Variants in ALOX5AP observed in about 807,000 individuals in gnomAD.
ALOX5AP encodes the protein arachidonate 5-lipoxygenase activating protein, also known as arachidonate 5-lipoxygenase-activating protein.
ALOX5AP carries 9 observed loss-of-function variants against 18.5 expected under a neutral mutation model. That is an observed-to-expected ratio of 0.49 (90% CI 0.29 to 0.85). ALOX5AP has a LOEUF of 0.85. Ranked by LOEUF, ALOX5AP falls within the 40% of genes least tolerant of loss-of-function variation. The probability of loss-of-function intolerance (pLI) is 0.08; values close to 1 mark genes in which losing one functional copy is unlikely to be tolerated. For missense variants in ALOX5AP, 172 were observed against 202.5 expected, an observed-to-expected ratio of 0.85 and a Z score of 0.91; for synonymous variants, 81 against 78.6, an observed-to-expected ratio of 1.03 and a Z score of -0.16.
At chr13:30,725,298 A>G (rs1382104805) in intron 1 of ALOX5AP, among the ~76,000 whole-genome samples, 1 of 152,264 alleles carries the variant, frequency 6.6e-6, no homozygotes, top group East Asian at 1.9e-4. Context: ...ACATGAGAAT[A>G]TGTATCCCAT....
exon 1 of ALOX5AP, chr13:30,713,757 A>G: frequency 6.5e-7 from 1 of 1,535,652 alleles, no homozygotes; most frequent in Non-Finnish European, 8.7e-7. Context: ...GCTCCCTGGC[A>G]TACACAGAAG....
At chr13:30,755,275 A>G (rs1302888875) in intron 3 of ALOX5AP, among the ~76,000 whole-genome samples, 2 of 152,248 alleles carry the variant, frequency 1.3e-5, no homozygotes, top group Non-Finnish European at 2.9e-5. Flanking sequence ...TGTTAGTTCA[A>G]GAAAGGTTAA....
At position 30,764,069 on chromosome 13, in the gene ALOX5AP, T is replaced by C; in HGVS notation, c.449T>C (p.Ile150Thr). ...GACTTTGAAAACTACATAAAGACGA[T>C]CTCCACCACCATCTCCCCTCTACTT... The part of the protein sequence containing the change: ...GSDFENYIKT[I>T]STTISPLLLI... Residue 150 changes from isoleucine to threonine, a missense_variant, in exon 5 of 5, where the codon ATC becomes ACC. Transcript: ENST00000380490. 1 of 1,614,170 alleles carries C rather than the reference T, an allele frequency of 6.2e-7. No homozygotes were observed. Among genetic ancestry groups the C allele is most frequent in the Non-Finnish European group, 8.5e-7 (1 of 1,180,028 alleles).
At chr13:30,763,198 C>T (rs1281927192) in intron 4 of ALOX5AP, among the ~76,000 whole-genome samples, 2 of 152,128 alleles carry the variant, frequency 1.3e-5, no homozygotes, top group African/African-American at 4.8e-5. Flanking sequence ...GTTGCAGCTA[C>T]TTGGGAGGCT....
intron 1 of ALOX5AP, among the ~76,000 whole-genome samples, chr13:30,741,428 C>T (rs1593436674): frequency 7.0e-6 from 1 of 142,910 alleles, no homozygotes; most frequent in African/African-American, 2.6e-5. Context: ...TGGAGTTTCA[C>T]TCTTGTCACC....
chr13:30,713,866 G>T, intron 1 of ALOX5AP: 1 of 1,437,416 alleles, frequency 7.0e-7, no homozygotes, highest in Non-Finnish European at 9.3e-7. Context: ...GCGCGCACAC[G>T]CGCATGTGTG....
intron 2 of ALOX5AP, among the ~76,000 whole-genome samples, chr13:30,749,440 A>T (rs990790793): frequency 1.3e-5 from 2 of 152,164 alleles, no homozygotes; most frequent in African/African-American, 4.8e-5. Context: ...ATAACCAAAA[A>T]AGGAATTTTT....
intron 1 of ALOX5AP, among the ~76,000 whole-genome samples, chr13:30,726,956 C>T (rs1469555628): frequency 1.3e-5 from 2 of 151,886 alleles, no homozygotes; most frequent in African/African-American, 4.8e-5. Flanking sequence ...GACTTAGTTA[C>T]AAGCAGAATG....
exon 1 of ALOX5AP, chr13:30,713,794 A>G: frequency 6.5e-7 from 1 of 1,535,702 alleles, no homozygotes; most frequent in Non-Finnish European, 8.7e-7. Context: ...AATTTGGGAA[A>G]TCCTTTGGCA....
At chr13:30,737,062 T>C (rs989658984) in intron 1 of ALOX5AP, among the ~76,000 whole-genome samples, 1 of 152,166 alleles carries the variant, frequency 6.6e-6, no homozygotes, top group Non-Finnish European at 1.5e-5. Flanking sequence ...GCTGTATGGG[T>C]GGGCAGGTGG....
intron 1 of ALOX5AP, among the ~76,000 whole-genome samples, chr13:30,727,141 C>T (rs1003356668): frequency 1.3e-5 from 2 of 151,918 alleles, no homozygotes; most frequent in Non-Finnish European, 2.9e-5. Context: ...ACAACCTCTG[C>T]CTCCCGGGTT....
chr13:30,723,631 T>C (rs1951611820), intron 1 of ALOX5AP, among the ~76,000 whole-genome samples: 1 of 152,256 alleles, frequency 6.6e-6, no homozygotes, highest in African/African-American at 2.4e-5. Flanking sequence ...CTCTAATCCA[T>C]ACATTCCATA....
At position 30,764,085 on chromosome 13, in the gene ALOX5AP, C is replaced by G; in HGVS notation, c.465C>G (p.Ser155=). 1 of 1,614,120 alleles carries G rather than the reference C, an allele frequency of 6.2e-7. No homozygotes were observed. ...TAAAGACGATCTCCACCACCATCTCCCCTCTACTTCTCATTCCCTAACTCT... is the reference window on the plus strand; with the variant it reads ...TAAAGACGATCTCCACCACCATCTCGCCTCTACTTCTCATTCCCTAACTCT... ...NYIKTISTTI[S]PLLLIP The change falls in exon 5 of 5, where the codon TCC becomes TCG. Residue 155 remains serine (S), a synonymous_variant. Coordinates refer to ENST00000380490, the MANE Select transcript of ALOX5AP (RefSeq NM_001629.4).
intron 1 of ALOX5AP, among the ~76,000 whole-genome samples, chr13:30,716,294 A>C (rs1259357488): frequency 6.6e-6 from 1 of 152,220 alleles, no homozygotes; most frequent in Non-Finnish European, 1.5e-5. Flanking sequence ...TCATACCATT[A>C]GATGGTGTGT....
intron 4 of ALOX5AP, among the ~76,000 whole-genome samples, chr13:30,762,817 A>G (rs2137835464): frequency 6.6e-6 from 1 of 152,148 alleles, no homozygotes; most frequent in East Asian, 1.9e-4. Context: ...GATCTTTACT[A>G]ACAATCCTCC....
At chr13:30,727,659 C>A (rs1179715502) in intron 1 of ALOX5AP, among the ~76,000 whole-genome samples, 1 of 152,138 alleles carries the variant, frequency 6.6e-6, no homozygotes, top group Non-Finnish European at 1.5e-5. Flanking sequence ...TGGGTGAGTT[C>A]ACAGCTGTTC....
At chr13:30,716,242 C>T (rs1346433089) in intron 1 of ALOX5AP, among the ~76,000 whole-genome samples, 1 of 152,230 alleles carries the variant, frequency 6.6e-6, no homozygotes, top group Admixed American at 6.5e-5. Flanking sequence ...TTGATTGACT[C>T]TACCTGCCAA....
intron 4 of ALOX5AP, among the ~76,000 whole-genome samples, chr13:30,759,143 A>T (rs17074992): frequency 6.6e-6 from 1 of 152,002 alleles, no homozygotes; most frequent in African/African-American, 2.4e-5. Context: ...TTTCTTCCCC[A>T]TTCATTTAAG....
At chr13:30,737,396 A>T (rs752141118) in intron 1 of ALOX5AP, among the ~76,000 whole-genome samples, 1 of 152,232 alleles carries the variant, frequency 6.6e-6, no homozygotes, top group Non-Finnish European at 1.5e-5. Flanking sequence ...AACCCTGTTC[A>T]GATTGAGGTG....
Sources: gnomAD v4.1 joint callset for allele counts (sites outside exome capture counted in the v4.1 genomes callset) on GRCh38, gnomAD v4.1.1 for gene constraint, MANE v1.5 for transcripts, NCBI Gene and HGNC (gene_info 2026-07-23, HGNC 2026-07-21) for gene names.